Variants in PALLD observed in about 807,000 individuals in gnomAD.
PALLD encodes the protein palladin, cytoskeletal associated protein, also known as palladin.
In PALLD, 61 loss-of-function variants were observed where a neutral mutation model predicts 123.5. That is an observed-to-expected ratio of 0.49 (90% CI 0.40 to 0.61). The LOEUF (loss-of-function observed/expected upper bound fraction) is 0.61, where lower values mean the gene tolerates loss of function less well. PALLD is among the 20% of genes least tolerant of loss of function. PALLD has a pLI of 0.00. For synonymous variants in PALLD, 465 were observed against 496.4 expected, an observed-to-expected ratio of 0.94 and a Z score of 0.84; for missense variants, 1,273 against 1,377.0, an observed-to-expected ratio of 0.92 and a Z score of 1.20.
chr4:168,807,848 G>C (rs1328136969), intron 10 of PALLD, among the ~76,000 whole-genome samples: 2 of 152,034 alleles, frequency 1.3e-5, no homozygotes, highest in Non-Finnish European at 2.9e-5. Context: ...TGGGATTACA[G>C]GCATGCGCCA....
chr4:168,589,296 A>C (rs538794354), intron 2 of PALLD, among the ~76,000 whole-genome samples: 3 of 152,306 alleles, frequency 2.0e-5, no homozygotes, highest in Non-Finnish European at 2.9e-5. Context: ...AGGGCCAGAC[A>C]GGTGTGGTCT....
intron 10 of PALLD, chr4:168,878,051 A>T: frequency 6.1e-6 from 9 of 1,482,340 alleles, no homozygotes; most frequent in African/African-American, 1.5e-5. Context: ...CCCGTCGCCC[A>T]TGTCCCCGAC....
At chr4:168,858,211 G>A (rs921550194) in intron 10 of PALLD, among the ~76,000 whole-genome samples, 1 of 152,214 alleles carries the variant, frequency 6.6e-6, no homozygotes, top group Non-Finnish European at 1.5e-5. Context: ...AATGGGCTAT[G>A]AAGCATGAGG....
intron 10 of PALLD, among the ~76,000 whole-genome samples, chr4:168,850,281 C>G (rs1747547543): frequency 6.6e-6 from 1 of 152,050 alleles, no homozygotes; most frequent in African/African-American, 2.4e-5. Flanking sequence ...GCTCCCCCTT[C>G]AGCCCCTACT....
At chr4:168,585,554 G>A (rs17541635) in intron 2 of PALLD, among the ~76,000 whole-genome samples, 12,824 of 150,854 alleles carry the variant, frequency 0.085, 736 homozygotes, top group Non-Finnish European at 0.12. Context: ...GTCTATGCAC[G>A]AAGGCACTCT....
chr4:168,678,327 C>T (rs765178064), intron 3 of PALLD, among the ~76,000 whole-genome samples: 7 of 152,092 alleles, frequency 4.6e-5, no homozygotes, highest in Non-Finnish European at 8.8e-5. Context: ...GCCCAGCAGA[C>T]GCCGGGCACA....
intron 20 of PALLD, 35 bp from the exon 21 acceptor site, chr4:168,925,198 A>C (rs758978100): frequency 2.6e-6 from 4 of 1,553,576 alleles, no homozygotes; most frequent in South Asian, 1.1e-5. Context: ...TTGTCAAAAA[A>C]ATTCATATTG....
At chr4:168,588,710 G>A (rs1771100086) in intron 2 of PALLD, among the ~76,000 whole-genome samples, 1 of 150,646 alleles carries the variant, frequency 6.6e-6, no homozygotes, top group African/African-American at 2.5e-5. Flanking sequence ...GCCTGGCTGA[G>A]TGTCAGATAC....
At chr4:168,678,882 T>A (rs971288946) in intron 3 of PALLD, among the ~76,000 whole-genome samples, 3 of 136,646 alleles carry the variant, frequency 2.2e-5, no homozygotes, top group African/African-American at 8.3e-5. Context: ...GGCGTGTGTG[T>A]GGTGGTGTGG....
At chr4:168,582,244 G>T (rs921099724) in intron 2 of PALLD, among the ~76,000 whole-genome samples, 5 of 152,018 alleles carry the variant, frequency 3.3e-5, no homozygotes, top group Non-Finnish European at 4.4e-5. Context: ...ATTGTAAATG[G>T]GATTGTTTTC....
chr4:168,774,066 TCTC>T (rs1430808989), intron 10 of PALLD, among the ~76,000 whole-genome samples: 2 of 140,370 alleles, frequency 1.4e-5, no homozygotes, highest in African/African-American at 2.6e-5. Flanking sequence ...CTGTTTTCTC[TCTC>T]TTTTTTTTTT....
intron 2 of PALLD, among the ~76,000 whole-genome samples, chr4:168,520,438 C>T (rs180982675): frequency 9.2e-5 from 14 of 151,556 alleles, no homozygotes; most frequent in Admixed American, 9.2e-4. Context: ...GGAGTTAACT[C>T]ATGAAAGGCA....
At chr4:168,786,217 A>T (rs1012333758) in intron 10 of PALLD, among the ~76,000 whole-genome samples, 1 of 151,918 alleles carries the variant, frequency 6.6e-6, no homozygotes, top group Non-Finnish European at 1.5e-5. Context: ...AGTCCCAGGT[A>T]TTTGGGAGGC....
chr4:168,547,566 C>CAAAAAAAAAA (rs11339394), intron 2 of PALLD, among the ~76,000 whole-genome samples: 13 of 70,930 alleles, frequency 1.8e-4, no homozygotes, highest in Non-Finnish European at 3.1e-4. Context: ...TAATAAAATA[C>CAAAAAAAAAA]AAAAAAAAAA....
chr4:168,625,955 G>A (rs1361695702), intron 2 of PALLD, among the ~76,000 whole-genome samples: 6 of 152,108 alleles, frequency 3.9e-5, no homozygotes, highest in Non-Finnish European at 7.4e-5. Context: ...AAAGAGGTGT[G>A]GGCAACCCAA....
chr4:168,573,915 G>A (rs1014999161), intron 2 of PALLD, among the ~76,000 whole-genome samples: 1 of 151,116 alleles, frequency 6.6e-6, no homozygotes, highest in African/African-American at 2.4e-5. Flanking sequence ...CTTAATTAAA[G>A]AGAAAACAAC....
At chr4:168,497,913 G>A (rs1760922746) in intron 1 of PALLD, among the ~76,000 whole-genome samples, 1 of 152,092 alleles carries the variant, frequency 6.6e-6, no homozygotes, top group African/African-American at 2.4e-5. Context: ...ATGATTTCAG[G>A]CTCATATTAC....
chr4:168,615,859 A>G (rs1289067846), intron 2 of PALLD, among the ~76,000 whole-genome samples: 1 of 152,208 alleles, frequency 6.6e-6, no homozygotes, highest in Non-Finnish European at 1.5e-5. Flanking sequence ...GTAGTCACAC[A>G]GGGGAAGAAT....
chr4:168,656,625 A>G (rs959091548), intron 2 of PALLD, among the ~76,000 whole-genome samples: 10 of 152,290 alleles, frequency 6.6e-5, no homozygotes, highest in Admixed American at 4.6e-4. Context: ...ATTTATTCCT[A>G]TAATTATCAA....
Sources: gnomAD v4.1 joint callset for allele counts (sites outside exome capture counted in the v4.1 genomes callset) on GRCh38, gnomAD v4.1.1 for gene constraint, MANE v1.5 for transcripts, NCBI Gene and HGNC (gene_info 2026-07-23, HGNC 2026-07-21) for gene names.